Variants in LRP1B observed in about 807,000 individuals in gnomAD.
LRP1B encodes the protein LDL receptor related protein 1B.
A neutral mutation model predicts 556.6 loss-of-function variants in LRP1B; 217 were observed. The ratio of observed to expected loss-of-function variants is 0.39; its 90% confidence interval spans 0.35 to 0.44. LRP1B has a LOEUF of 0.44. Ranked by LOEUF, LRP1B falls within the 20% of genes least tolerant of loss-of-function variation. The pLI, the probability that LRP1B is intolerant of heterozygous loss-of-function variation, is 1.00. For missense variants in LRP1B, 5,053 were observed against 5,620.8 expected, an observed-to-expected ratio of 0.90 and a Z score of 3.23; for synonymous variants, 2,047 against 1,865.8, an observed-to-expected ratio of 1.10 and a Z score of -2.50.
chr2:141,579,723 A>ATTTTTTTTTTTTTTTT, intron 2 of LRP1B, among the ~76,000 whole-genome samples: 1 of 31,148 alleles, frequency 3.2e-5, no homozygotes, highest in African/African-American at 9.6e-5. Context: ...ATCAGGTTTC[A>ATTTTTTTTTTTTTTTT]CTTTTTTTTT....
intron 3 of LRP1B, among the ~76,000 whole-genome samples, chr2:141,454,715 C>A (rs1175865320): frequency 8.7e-6 from 1 of 114,758 alleles, no homozygotes; most frequent in South Asian, 2.9e-4. Context: ...CTTTTTCTTT[C>A]GTGAAGGTCA....
At chr2:141,623,696 A>C (rs989528755) in intron 2 of LRP1B, among the ~76,000 whole-genome samples, 2 of 150,660 alleles carry the variant, frequency 1.3e-5, no homozygotes, top group African/African-American at 4.9e-5. Context: ...CAACATAGAG[A>C]CATGTTATGA....
At chr2:141,411,914 G>A (rs1411411393) in intron 3 of LRP1B, among the ~76,000 whole-genome samples, 1 of 152,002 alleles carries the variant, frequency 6.6e-6, no homozygotes, top group East Asian at 1.9e-4. Context: ...TTCTGAAGGA[G>A]AATTTGATTT....
intron 66 of LRP1B, among the ~76,000 whole-genome samples, chr2:140,428,022 G>A (rs982779113): frequency 2.6e-5 from 4 of 152,164 alleles, no homozygotes; most frequent in South Asian, 2.1e-4. Flanking sequence ...ATCAGATAAC[G>A]TTTAGGCTCT....
chr2:140,813,188 C>T (rs988373072), intron 32 of LRP1B, among the ~76,000 whole-genome samples: 3 of 152,088 alleles, frequency 2.0e-5, no homozygotes, highest in Non-Finnish European at 4.4e-5. Flanking sequence ...TCTCTACTCA[C>T]TCCAAAATAC....
chr2:141,722,950 A>G (rs1574284952), intron 2 of LRP1B, among the ~76,000 whole-genome samples: 1 of 152,292 alleles, frequency 6.6e-6, no homozygotes, highest in East Asian at 1.9e-4. Flanking sequence ...CCAGTCTTAC[A>G]TTGATGAATA....
chr2:141,255,493 A>G (rs548930070), intron 3 of LRP1B, among the ~76,000 whole-genome samples: 1 of 152,214 alleles, frequency 6.6e-6, no homozygotes, highest in South Asian at 2.1e-4. Flanking sequence ...TTAAAAAATA[A>G]AAGCCCAATA....
chr2:142,029,038 C>A (rs769397456), intron 1 of LRP1B, among the ~76,000 whole-genome samples: 1 of 151,800 alleles, frequency 6.6e-6, no homozygotes, highest in Non-Finnish European at 1.5e-5. Flanking sequence ...TCCACTTTTT[C>A]ATTCCCTTAC....
At chr2:140,551,427 AAACTGAAC>A (rs1401103250) in intron 43 of LRP1B, among the ~76,000 whole-genome samples, 7 of 152,244 alleles carry the variant, frequency 4.6e-5, no homozygotes, top group Admixed American at 1.3e-4. Context: ...AAGTGCTGGG[AAACTGAAC>A]AAAGGCTAAG....
intron 81 of LRP1B, among the ~76,000 whole-genome samples, chr2:140,322,776 A>C (rs1680218130): frequency 6.6e-6 from 1 of 152,000 alleles, no homozygotes; most frequent in African/African-American, 2.4e-5. Context: ...TTAAACAGAA[A>C]GGGCACCCAG....
chr2:140,460,331 T>G (rs1385788324), intron 60 of LRP1B, among the ~76,000 whole-genome samples: 1 of 152,096 alleles, frequency 6.6e-6, no homozygotes, highest in Non-Finnish European at 1.5e-5. Context: ...ATCTGTAGTA[T>G]TTTTTCATAG....
chr2:141,137,579 C>A (rs1363696871), intron 7 of LRP1B, among the ~76,000 whole-genome samples: 1 of 151,820 alleles, frequency 6.6e-6, no homozygotes, highest in Non-Finnish European at 1.5e-5. Flanking sequence ...CATTATCTCA[C>A]GTACTTATTA....
chr2:141,531,048 T>G (rs1684854870), intron 2 of LRP1B, among the ~76,000 whole-genome samples: 1 of 151,690 alleles, frequency 6.6e-6, no homozygotes, highest in Non-Finnish European at 1.5e-5. Context: ...AAATAATAAT[T>G]TAGTTAAGCA....
intron 2 of LRP1B, among the ~76,000 whole-genome samples, chr2:141,713,437 T>A (rs1692444260): frequency 2.0e-5 from 3 of 152,214 alleles, no homozygotes; most frequent in African/African-American, 7.2e-5. Context: ...TTAAATACTT[T>A]TCCAAAGTGC....
intron 27 of LRP1B, among the ~76,000 whole-genome samples, chr2:140,866,805 T>C (rs911333942): frequency 6.6e-6 from 1 of 152,060 alleles, no homozygotes; most frequent in Non-Finnish European, 1.5e-5. Context: ...AATACAAATT[T>C]TAAAAATAAG....
At chr2:141,274,072 G>C (rs764303831) in intron 3 of LRP1B, among the ~76,000 whole-genome samples, 1 of 152,174 alleles carries the variant, frequency 6.6e-6, no homozygotes. Flanking sequence ...ACAAGTGTTG[G>C]TGAGGATATA....
chr2:141,124,525 C>G (rs1023485739), intron 7 of LRP1B, among the ~76,000 whole-genome samples: 1 of 151,796 alleles, frequency 6.6e-6, no homozygotes, highest in Admixed American at 6.6e-5. Context: ...TTTCATTGTG[C>G]TAAGACCTTA....
At chr2:140,771,214 A>G (rs1162563274) in intron 33 of LRP1B, among the ~76,000 whole-genome samples, 2 of 152,164 alleles carry the variant, frequency 1.3e-5, no homozygotes, top group Non-Finnish European at 2.9e-5. Context: ...GTCAACAGAC[A>G]TACATGAGAA....
chr2:140,782,859 G>GT (rs1226830153), intron 32 of LRP1B, among the ~76,000 whole-genome samples: 1 of 152,080 alleles, frequency 6.6e-6, no homozygotes, highest in African/African-American at 2.4e-5. Flanking sequence ...AAAGCGATAT[G>GT]ATGTGTTAAC....
Sources: gnomAD v4.1 joint callset for allele counts (sites outside exome capture counted in the v4.1 genomes callset) on GRCh38, gnomAD v4.1.1 for gene constraint, MANE v1.5 for transcripts, NCBI Gene and HGNC (gene_info 2026-07-23, HGNC 2026-07-21) for gene names.